The following MMP14 variants were observed in gnomAD, a reference collection of about 807,000 sequenced individuals.
MMP14 encodes matrix metalloproteinase-14.
MMP14 carries 13 observed loss-of-function variants against 64.8 expected under a neutral mutation model. The observed-to-expected ratio is 0.20, with a 90% confidence interval of 0.13 to 0.32. MMP14 has a LOEUF of 0.32. Among genes scored for constraint, MMP14 ranks in the 10% least tolerant of loss-of-function variants. MMP14 has a pLI of 1.00. For missense variants in MMP14, 594 were observed against 783.8 expected (o/e 0.76, Z 2.89); for synonymous variants, 322 against 315.9 (o/e 1.02, Z -0.20).
In MMP14 at chr14:22,836,624, A is replaced by C; in HGVS notation, c.-194A>C. The C allele has an allele frequency of 2.0e-6, 1 of 488,524 alleles. No individual in the cohort carries two copies. Among genetic ancestry groups the C allele is most frequent in the Admixed American group, 3.8e-5 (1 of 26,662 alleles). 30.3% of individuals were successfully genotyped at this position (488,524 alleles called of 1,614,324 possible). The stretch of plus-strand genomic sequence containing the variant: ...CGACTAAGCAGAAGAAAGATCAAAA[A>C]CCGGAAAAGAGGAGAAGAGCAAACA... On this transcript the variant is annotated 5_prime_UTR_variant, in exon 1 of 10. Transcript: ENST00000311852.
chr14:22,842,684 G>A lies in MMP14; in HGVS notation c.655G>A (p.Glu219Lys). The change falls in exon 4 of 10, where the codon GAG becomes AAG. Residue 219 changes from glutamate to lysine, a missense_variant. Around this residue, in one of 4 missense-constraint regions of MMP14, gnomAD observed 179 missense variants for 283.4 expected, o/e 0.63. Transcript: ENST00000311852. The surrounding 1 kb of genome is among the most constrained non-coding windows in gnomAD (Gnocchi z 5.3). ...IGGDTHFDSA[E>K]PWTVRNEDLN... Reference sequence around the variant, plus strand: ...AGGAGACACCCACTTTGACTCTGCCGAGCCTTGGACTGTCAGGAATGAGGA... The same window carrying A: ...AGGAGACACCCACTTTGACTCTGCCAAGCCTTGGACTGTCAGGAATGAGGA... The A allele has an allele frequency of 1.9e-6, 3 of 1,611,806 alleles. No homozygotes were observed. Among genetic ancestry groups the A allele is most frequent in the South Asian group, 1.1e-5 (1 of 90,748 alleles).
rs902684556 is a variant in MMP14, at chr14:22,847,163, G to A, written c.*1124G>A. ...GGAAGGGTAGGGCAGCCAGAGAAAG[G>A]AGCAGAGAAGGCACACAAACGAGGA... On this transcript the variant is annotated 3_prime_UTR_variant, in exon 10 of 10. Coordinates refer to ENST00000311852, the MANE Select transcript of MMP14 (RefSeq NM_004995.4). The A allele has an allele frequency of 9.8e-5, 15 of 152,918 alleles. No individual in the cohort carries two copies. The highest frequency in any genetic ancestry group is 2.6e-4 in the Admixed American group (4 of 15,322). 9.5% of individuals were successfully genotyped at this position (152,918 alleles called of 1,614,324 possible).
At position 22,842,589 on chromosome 14, in the gene MMP14, G is replaced by A. The variant is rs2039781190; in HGVS notation, c.560G>A (p.Gly187Asp). Residue 187 changes from glycine (G) to aspartate (D), a missense_variant, in exon 4 of 10, where the codon GGC becomes GAC. Gly to Asp is a moderately conservative substitution (Grantham distance 94, BLOSUM62 -1). Transcript: ENST00000311852. This position sits in a 1 kb window ranked among gnomAD's most constrained non-coding sequence, Gnocchi z 5.3. ...ATCTTCTTTGCCGAGGGCTTCCATG[G>A]CGACAGCACGCCCTTCGATGGTGAG... is the stretch of plus-strand genomic sequence containing the variant. ...IMIFFAEGFH[G>D]DSTPFDGEGG... 6.2e-7 allele frequency: 1 copy of A among 1,614,106 alleles called. No homozygotes were observed. Among genetic ancestry groups the A allele is most frequent in the Non-Finnish European group, 8.5e-7 (1 of 1,180,044 alleles).
intron 1 of MMP14, among the ~76,000 whole-genome samples, chr14:22,839,263 C>T (rs10130510): frequency 1.1e-3 from 169 of 152,266 alleles, no homozygotes; most frequent in Non-Finnish European, 2.0e-3. Context: ...GTCATAAGCC[C>T]GGGGTGTGTT....
intron 1 of MMP14, among the ~76,000 whole-genome samples, chr14:22,838,846 C>G (rs1417642260): frequency 1.3e-5 from 2 of 152,146 alleles, no homozygotes; most frequent in Non-Finnish European, 2.9e-5. Flanking sequence ...AGAAACTTGC[C>G]TAGGCCTGGG....
chr14:22,844,565 C>G, intron 7 of MMP14, 56 bp downstream of exon 7: 2 of 1,613,212 alleles, frequency 1.2e-6, no homozygotes, highest in Non-Finnish European at 1.7e-6. Flanking sequence ...CCTAGAGGAG[C>G]TGATTTCCTC....
At position 22,841,476 on chromosome 14, in the gene MMP14, C is replaced by A. The variant is rs774965729; in HGVS notation, c.109-15C>A. On this transcript the variant is annotated splice_polypyrimidine_tract_variant and intron_variant, in intron 1 of 9. Coordinates refer to ENST00000311852, the MANE Select transcript of MMP14 (RefSeq NM_004995.4). ...CCAGGTGGGGACACTCTAAGCCATA[C>A]CCCTTTCCCTACAGGCCTGGCTACA... 2 of 1,612,670 alleles carry A rather than the reference C, an allele frequency of 1.2e-6. No individual in the cohort carries two copies. Among genetic ancestry groups the A allele is most frequent in the East Asian group, 2.2e-5 (1 of 44,876 alleles).
At chr14:22,840,951 C>A (rs1566481160) in intron 1 of MMP14, among the ~76,000 whole-genome samples, 1 of 152,336 alleles carries the variant, frequency 6.6e-6, no homozygotes, top group East Asian at 1.9e-4. Context: ...CTCGTAGCAG[C>A]CAGCCTTAGC....
At chr14:22,844,312 G>T in intron 6 of MMP14, 59 bp from the exon 7 acceptor site, 1 of 1,601,632 alleles carries the variant, frequency 6.2e-7, no homozygotes, top group South Asian at 1.1e-5. Flanking sequence ...TTTGGGGACT[G>T]AACCAGAGAC....
intron 1 of MMP14, among the ~76,000 whole-genome samples, chr14:22,839,702 C>T (rs530214746): frequency 6.6e-6 from 1 of 152,152 alleles, no homozygotes; most frequent in Non-Finnish European, 1.5e-5. Flanking sequence ...AAGACTACTG[C>T]CCCATCACCA....
In MMP14 at chr14:22,837,558, C is replaced by G; in HGVS notation, c.108+633C>G. The G allele has an allele frequency of 8.3e-6, 3 of 359,732 alleles. 1 individual carries two copies. Among genetic ancestry groups the G allele is most frequent in the South Asian group, 6.2e-5 (3 of 48,664 alleles). 22.3% of individuals were successfully genotyped at this position (359,732 alleles called of 1,614,324 possible). Reference sequence around the variant, plus strand: ...AGGGTCGCAGCGCCGGCGCGCTGGCCGCGTTTCCGTACACACAAAGCTCTC... The same window carrying G: ...AGGGTCGCAGCGCCGGCGCGCTGGCGGCGTTTCCGTACACACAAAGCTCTC... On this transcript the variant is annotated intron_variant, in intron 1 of 9. Coordinates refer to ENST00000311852, the MANE Select transcript of MMP14 (RefSeq NM_004995.4).
intron 1 of MMP14, 77 bp from the exon 2 acceptor site, chr14:22,841,414 G>A (rs2039771514): frequency 1.6e-5 from 25 of 1,568,958 alleles, no homozygotes; most frequent in Non-Finnish European, 2.0e-5. Context: ...AAGGCTGTAT[G>A]CTGGGCATTG....
chr14:22,839,962 C>CTT (rs577502772), intron 1 of MMP14, among the ~76,000 whole-genome samples: 1,370 of 90,794 alleles, frequency 0.015, 16 homozygotes, highest in Non-Finnish European at 0.018. Flanking sequence ...GCTTGTTTTA[C>CTT]TTTTTTTTTT....
intron 1 of MMP14, 82 bp downstream of exon 1, chr14:22,837,007 C>A: frequency 9.3e-7 from 1 of 1,075,600 alleles, no homozygotes. Flanking sequence ...AGCCTCTATT[C>A]GGAGAGGAGG....
Position 22,843,818 on chromosome 14 carries a change from A to G in MMP14, c.959A>G (p.Asp320Gly). The G allele has an allele frequency of 2.5e-6, 4 of 1,613,510 alleles. No individual in the cohort carries two copies. Among genetic ancestry groups the G allele is most frequent in the Non-Finnish European group, 3.4e-6 (4 of 1,179,888 alleles). Reference sequence around the variant, plus strand: ...CCCACCTATGGGCCCAACATCTGTGACGGGAACTTTGACACCGTGGCCATG... The same window carrying G: ...CCCACCTATGGGCCCAACATCTGTGGCGGGAACTTTGACACCGTGGCCATG... ...KNPTYGPNIC[D>G]GNFDTVAMLR... The change falls in exon 6 of 10, where the codon GAC becomes GGC. Residue 320 changes from aspartate (D) to glycine (G), a missense_variant. This residue lies in a region of MMP14 where 364 missense variants were observed against 425.2 expected (regional missense o/e 0.86). Transcript: ENST00000311852. This position sits in a 1 kb window ranked among gnomAD's most constrained non-coding sequence, Gnocchi z 4.8.
Position 22,842,131 on chromosome 14 carries a change from C to G in MMP14, c.380+96C>G. 1 of 1,516,152 alleles carries G rather than the reference C, an allele frequency of 6.6e-7. No individual in the cohort carries two copies. The highest frequency in any genetic ancestry group is 9.0e-7 in the Non-Finnish European group (1 of 1,107,170). 93.9% of individuals were successfully genotyped at this position (1,516,152 alleles called of 1,614,324 possible). ...ACTCAGAGACCCCCTGCCCCACTCCCCTCAGTTCCTGGGAAGCATCCGTGG... is the reference window on the plus strand; with the variant it reads ...ACTCAGAGACCCCCTGCCCCACTCCGCTCAGTTCCTGGGAAGCATCCGTGG... On this transcript the variant is annotated intron_variant, in intron 3 of 9. Coordinates refer to ENST00000311852, the MANE Select transcript of MMP14 (RefSeq NM_004995.4). This position sits in a 1 kb window ranked among gnomAD's most constrained non-coding sequence, Gnocchi z 5.3.
chr14:22,839,228 T>G (rs1396127568), intron 1 of MMP14, among the ~76,000 whole-genome samples: 1 of 152,248 alleles, frequency 6.6e-6, no homozygotes, highest in African/African-American at 2.4e-5. Flanking sequence ...CCCCAAGTCC[T>G]GAAGCAGCTG....
At position 22,837,042 on chromosome 14, in the gene MMP14, G is replaced by A. The variant is rs541118472; in HGVS notation, c.108+117G>A. 37 of 774,734 alleles carry A rather than the reference G, an allele frequency of 4.8e-5. No individual in the cohort carries two copies. The East Asian group carries it at 9.4e-4, about 20-fold the overall frequency. The allele number at this position is 774,734 out of a possible 1,614,324, so 48.0% of individuals were successfully genotyped here. A position where few individuals can be genotyped will look rare whatever the true frequency, so the allele number is the denominator to read the frequency against. On this transcript the variant is annotated intron_variant, in intron 1 of 9. Coordinates refer to ENST00000311852, the MANE Select transcript of MMP14 (RefSeq NM_004995.4). ...GGCTTTTGGGATCTCCGCTGCTCAG[G>A]CCTGCAGGATTCCCCCTCCCTTTCT...
In MMP14 at chr14:22,842,353, T is replaced by C. The variant is rs1361559955; in HGVS notation, c.381-57T>C. ...CCTGGGAGAGTGCAGGGAAGGAGAA[T>C]GTTGCCCCTCTTTATCCTAACACAC... On this transcript the variant is annotated intron_variant, in intron 3 of 9. Coordinates refer to ENST00000311852, the MANE Select transcript of MMP14 (RefSeq NM_004995.4). The surrounding 1 kb of genome is among the most constrained non-coding windows in gnomAD (Gnocchi z 5.3). 6.4e-7 allele frequency: 1 copy of C among 1,553,694 alleles called. No homozygotes were observed. The highest frequency in any genetic ancestry group is 1.4e-5 in the African/African-American group (1 of 73,928).
Sources: gnomAD v4.1 joint callset for allele counts (sites outside exome capture counted in the v4.1 genomes callset) on GRCh38, gnomAD v4.1.1 for gene constraint, gnomAD v4.1.1 regional missense constraint, Gnocchi (gnomAD v3.1) non-coding constraint, MANE v1.5 for transcripts, NCBI Gene and HGNC (gene_info 2026-07-23, HGNC 2026-07-21) for gene names.